Variants in PRL observed in about 807,000 individuals in gnomAD.
PRL encodes prolactin.
PRL carries 24 observed loss-of-function variants against 21.3 expected under a neutral mutation model. The observed-to-expected ratio is 1.13, with a 90% CI of 0.82 to 1.59. PRL has a LOEUF of 1.59. Ranked by LOEUF, PRL falls within the 40% of genes most tolerant of loss-of-function variation. The probability of loss-of-function intolerance (pLI) is 0.00; values close to 1 mark genes in which losing one functional copy is unlikely to be tolerated. For synonymous variants in PRL, 118 were observed against 115.7 expected (o/e 1.02, Z -0.13); for missense variants, 243 against 286.9 (o/e 0.85, Z 1.10).
upstream of PRL, chr6:22,297,122 G>A: frequency 2.5e-6 from 2 of 802,716 alleles, no homozygotes; most frequent in Non-Finnish European, 3.9e-6. Context: ...CCCTTTTCCT[G>A]GTCATCTATT....
At chr6:22,293,866 C>T (rs1277547524) in intron 2 of PRL, among the ~76,000 whole-genome samples, 1 of 152,072 alleles carries the variant, frequency 6.6e-6, no homozygotes, top group Non-Finnish European at 1.5e-5. Context: ...CTAAACTAGC[C>T]CTTTATTGTA....
chr6:22,291,544 A>AT (rs535452386), intron 3 of PRL, among the ~76,000 whole-genome samples: 116 of 149,290 alleles, frequency 7.8e-4, no homozygotes, highest in Non-Finnish European at 1.3e-3. Flanking sequence ...TCCAATGAGC[A>AT]TTTTTTTTTT....
rs375151169 is a variant in PRL at position 22,294,466 on chromosome 6, G to A, written c.147C>T (p.Arg49=). The change falls in exon 2 of 5, where the codon CGC becomes CGT. Residue 49 remains arginine, a synonymous_variant. Transcript: ENST00000306482. ...CQVTLRDLFD[R]AVVLSHYIHN... ...GGATGTAGTGGGACAGGACGACGGCGCGGTCAAACAGGTCTCGAAGGGTCA... is the reference window on the plus strand; with the variant it reads ...GGATGTAGTGGGACAGGACGACGGCACGGTCAAACAGGTCTCGAAGGGTCA... The A allele has an allele frequency of 3.3e-5, 53 of 1,614,144 alleles. No individual in the cohort carries two copies. The African/African-American group carries it at 6.3e-4, about 19-fold the overall frequency.
chr6:22,301,245 C>T (rs373239909), upstream of PRL, among the ~76,000 whole-genome samples: 38 of 152,282 alleles, frequency 2.5e-4, no homozygotes, highest in Admixed American at 7.2e-4. Context: ...TTAATCATCT[C>T]TTATTGTTAT....
In PRL at chr6:22,287,253, T is replaced by G; in HGVS notation, c.*149A>C. ...AACTTTGACAAATCGGCATTTTAGA[T>G]TTTGATGTCTCTAAGGAGTCAGTTT... On this transcript the variant is annotated 3_prime_UTR_variant, in exon 5 of 5. Coordinates refer to ENST00000306482, the MANE Select transcript of PRL (RefSeq NM_000948.6). 1.5e-6 allele frequency: 1 copy of G among 667,150 alleles called. No individual in the cohort carries two copies. The highest frequency in any genetic ancestry group is 2.2e-6 in the Non-Finnish European group (1 of 451,250). 41.3% of individuals were successfully genotyped at this position (667,150 alleles called of 1,614,324 possible).
chr6:22,295,395 C>A lies in PRL; in HGVS notation c.29-811G>T, dbSNP rs567503136. ...ACGTCGTCTTGTCACATCGCGTACA[C>A]CTGTGGGCTGTCAATCTGCATCTGT... On this transcript the variant is annotated intron_variant, in intron 1 of 4. Coordinates refer to ENST00000306482, the MANE Select transcript of PRL (RefSeq NM_000948.6). Among the ~76,000 whole-genome samples, 11 of 152,216 alleles carry A rather than the reference C, an allele frequency of 7.2e-5. No individual in the cohort carries two copies. The South Asian group carries it at 2.1e-3, about 29-fold the overall frequency.
intron 4 of PRL, among the ~76,000 whole-genome samples, 189 bp from the exon 5 acceptor site, chr6:22,287,782 A>C (rs1052212368): frequency 6.6e-6 from 1 of 152,196 alleles, no homozygotes; most frequent in Non-Finnish European, 1.5e-5. Context: ...GAAGCAGAAT[A>C]CCTGTTTAGG....
chr6:22,291,726 A>C (rs1431270976), intron 3 of PRL, among the ~76,000 whole-genome samples: 1 of 152,168 alleles, frequency 6.6e-6, no homozygotes, highest in Non-Finnish European at 1.5e-5. Context: ...GCAGACAGAA[A>C]TGTTGGTGCC....
intron 1 of PRL, among the ~76,000 whole-genome samples, chr6:22,295,582 ACT>A (rs780653902): frequency 1.4e-4 from 22 of 152,168 alleles, no homozygotes; most frequent in Middle Eastern, 3.4e-3. Context: ...ATTACAAAAC[ACT>A]CTGATCTTTG....
intron 1 of PRL, among the ~76,000 whole-genome samples, chr6:22,295,077 A>G (rs1761147012): frequency 6.6e-6 from 1 of 152,202 alleles, no homozygotes; most frequent in Non-Finnish European, 1.5e-5. Flanking sequence ...GAATAAACAC[A>G]CGATTGTTTG....
rs533547174 is a variant in PRL, at chr6:22,288,672, A to G, written c.493-1079T>C. Among the ~76,000 whole-genome samples the G allele has an allele frequency of 4.8e-4, 73 of 152,308 alleles. No homozygotes were observed. Among genetic ancestry groups the G allele is most frequent in the African/African-American group, 1.6e-3 (67 of 41,580 alleles). ...GGCATGCTATGTTTCTTCACACTCTATAAGCCTTTGCAAACCAGGAAAGCC... is the reference window on the plus strand; with the variant it reads ...GGCATGCTATGTTTCTTCACACTCTGTAAGCCTTTGCAAACCAGGAAAGCC... On this transcript the variant is annotated intron_variant, in intron 4 of 4. Transcript: ENST00000306482. This position sits in a 1 kb window ranked among gnomAD's most constrained non-coding sequence, Gnocchi z 4.5.
chr6:22,293,643 G>GAGGGAAGGAAGGAAAA (rs1561755449), intron 2 of PRL, among the ~76,000 whole-genome samples: 18 of 37,836 alleles, frequency 4.8e-4, no homozygotes, highest in African/African-American at 1.3e-3. Context: ...AGGAAGGAAG[G>GAGGGAAGGAAGGAAAA]AAGGAAGGAA....
At position 22,288,927 on chromosome 6, in the gene PRL, T is replaced by C. The variant is rs926594454; in HGVS notation, c.492+1247A>G. ...GCGCGCGCGTGTGTGTGCGTGCGCG[T>C]GTGTGTGCATGTGTGTGTGCGTGCG... On this transcript the variant is annotated intron_variant, in intron 4 of 4. Transcript: ENST00000306482. This position sits in a 1 kb window ranked among gnomAD's most constrained non-coding sequence, Gnocchi z 4.5. 1.4e-4 allele frequency among the ~76,000 whole-genome samples: 21 copies of C among 151,594 alleles called. No homozygotes were observed. Among genetic ancestry groups the C allele is most frequent in the Admixed American group, 2.6e-4 (4 of 15,230 alleles).
rs1057394629 is a variant in PRL at position 22,289,681 on chromosome 6, C to CA, written c.492+492dup. Among the ~76,000 whole-genome samples, 11 of 152,260 alleles carry CA rather than the reference C, an allele frequency of 7.2e-5. No individual in the cohort carries two copies. The East Asian group carries it at 1.9e-3, about 27-fold the overall frequency. ...GTGTGCACTGATGTCATTGTCTTGT[C>CA]ATGTTAATATCTGCTCCTCCCTGAC... On this transcript the variant is annotated intron_variant, in intron 4 of 4. Transcript: ENST00000306482.
upstream of PRL, among the ~76,000 whole-genome samples, chr6:22,297,945 C>G (rs1761211949): frequency 2.0e-5 from 3 of 152,204 alleles, no homozygotes; most frequent in Admixed American, 1.3e-4. Flanking sequence ...ATGAGGAAGG[C>G]TGGGAAATGA....
intron 4 of PRL, among the ~76,000 whole-genome samples, chr6:22,289,212 C>T (rs985499979): frequency 6.6e-6 from 1 of 152,220 alleles, no homozygotes; most frequent in Admixed American, 6.5e-5. Flanking sequence ...TTAAAATGTG[C>T]TTTGTGTTTG....
At chr6:22,294,681 C>T (rs931984726) in intron 1 of PRL, 97 bp from the exon 2 acceptor site, 2 of 1,316,094 alleles carry the variant, frequency 1.5e-6, no homozygotes, top group Middle Eastern at 2.8e-4. Context: ...CTCCCCACTG[C>T]CCTCAGCTGC....
intron 4 of PRL, 90 bp downstream of exon 4, chr6:22,290,084 T>C (rs866348417): frequency 1.9e-4 from 243 of 1,299,920 alleles, no homozygotes; most frequent in Middle Eastern, 1.2e-3. Flanking sequence ...AATGCCTAAA[T>C]TTCCTTCTTT....
upstream of PRL, chr6:22,297,622 CA>C (rs1420913099): frequency 6.6e-6 from 1 of 152,268 alleles, no homozygotes. Flanking sequence ...TTTAAAAATA[CA>C]TGTGTTTTGT....
Sources: gnomAD v4.1 joint callset for allele counts (sites outside exome capture counted in the v4.1 genomes callset) on GRCh38, gnomAD v4.1.1 for gene constraint, Gnocchi (gnomAD v3.1) non-coding constraint, MANE v1.5 for transcripts, NCBI Gene and HGNC (gene_info 2026-07-23, HGNC 2026-07-21) for gene names.